The following NID1 variants were observed in gnomAD, a reference collection of about 807,000 sequenced individuals.
NID1 encodes the protein nidogen 1, also known as nidogen-1.
Under a neutral mutation model 130.6 loss-of-function variants are expected in NID1, and 76 were observed. That is an observed-to-expected ratio of 0.58 (90% CI 0.48 to 0.70). NID1 has a LOEUF of 0.70. Ranked by LOEUF, NID1 falls within the 30% of genes least tolerant of loss-of-function variation. NID1 has a pLI of 0.00. For synonymous variants in NID1, 665 were observed against 675.1 expected (o/e 0.98, Z 0.23); for missense variants, 1,517 against 1,664.8 (o/e 0.91, Z 1.54).
At chr1:236,029,022 C>A (rs1423264428) in intron 7 of NID1, among the ~76,000 whole-genome samples, 1 of 151,822 alleles carries the variant, frequency 6.6e-6, no homozygotes, top group Non-Finnish European at 1.5e-5. Context: ...ACTAAAAATA[C>A]AAAAATTAGC....
intron 1 of NID1, among the ~76,000 whole-genome samples, chr1:236,052,728 C>T (rs148585603): frequency 1.3e-3 from 194 of 152,262 alleles, no homozygotes; most frequent in African/African-American, 4.5e-3. Context: ...ATGCCAAAGT[C>T]GGGTGAACTG....
intron 2 of NID1, among the ~76,000 whole-genome samples, chr1:236,047,216 A>G (rs905561149): frequency 1.3e-5 from 2 of 152,114 alleles, no homozygotes; most frequent in Non-Finnish European, 2.9e-5. Context: ...CAAGAGGGAG[A>G]TATAGTTTTA....
At chr1:236,027,120 A>T (rs1431975145) in intron 7 of NID1, among the ~76,000 whole-genome samples, 1 of 152,196 alleles carries the variant, frequency 6.6e-6, no homozygotes, top group Non-Finnish European at 1.5e-5. Flanking sequence ...AATGAGTTTC[A>T]GTAGCCAGGT....
chr1:236,064,609 CG>C, intron 1 of NID1: 1 of 511,284 alleles, frequency 2.0e-6, no homozygotes, highest in Non-Finnish European at 3.6e-6. Context: ...CCATGGGTGC[CG>C]GGGTCACGGC....
chr1:235,993,533 TG>T (rs986550457), intron 13 of NID1, 111 bp downstream of exon 13: 19 of 1,015,508 alleles, frequency 1.9e-5, no homozygotes, highest in Non-Finnish European at 2.7e-5. Flanking sequence ...CTGGAGCCAG[TG>T]GAACAGTTCA....
chr1:236,061,457 T>C (rs1660033353), intron 1 of NID1, among the ~76,000 whole-genome samples: 1 of 152,180 alleles, frequency 6.6e-6, no homozygotes, highest in Admixed American at 6.5e-5. Flanking sequence ...TGAAGGATTC[T>C]TCTCTTTTTT....
At chr1:236,043,696 G>A (rs909793046) in intron 3 of NID1, among the ~76,000 whole-genome samples, 1 of 152,114 alleles carries the variant, frequency 6.6e-6, no homozygotes, top group Non-Finnish European at 1.5e-5. Context: ...TGCTCGGGAC[G>A]CTGAAGCAGG....
Position 235,977,466 on chromosome 1 carries a change from C to T in NID1, c.*401G>A, listed in dbSNP as rs79813484. ...CTCATAGGTCAAGGAGCTGACAGGA[C>T]GGTGGGTACCTCAAAGCGAGGCTGA... On this transcript the variant is annotated 3_prime_UTR_variant, in exon 20 of 20. Coordinates refer to ENST00000264187, the MANE Select transcript of NID1 (RefSeq NM_002508.3). The T allele has an allele frequency of 4.3e-4, 71 of 167,012 alleles. No homozygotes were observed. In the East Asian group the frequency reaches 6.0e-3, roughly 14 times the overall value. The allele number at this position is 167,012 out of a possible 1,614,324, so 10.3% of individuals were successfully genotyped here. A position where few individuals can be genotyped will look rare whatever the true frequency, so the allele number is the denominator to read the frequency against.
At chr1:236,024,796 C>T (rs762693181) in intron 8 of NID1, among the ~76,000 whole-genome samples, 1 of 152,170 alleles carries the variant, frequency 6.6e-6, no homozygotes, top group Non-Finnish European at 1.5e-5. Context: ...ACTGGTATGT[C>T]ACAAAAGCTC....
intron 11 of NID1, among the ~76,000 whole-genome samples, chr1:236,012,376 G>A (rs1184917869): frequency 6.6e-6 from 1 of 152,046 alleles, no homozygotes; most frequent in Non-Finnish European, 1.5e-5. Flanking sequence ...GGCCAACACG[G>A]TGAAACCCTG....
intron 1 of NID1, among the ~76,000 whole-genome samples, chr1:236,063,955 A>G (rs1285675535): frequency 6.6e-6 from 1 of 152,182 alleles, no homozygotes; most frequent in Non-Finnish European, 1.5e-5. Context: ...AGTGTTGTCT[A>G]AGGCGCAGTG....
chr1:236,039,765 G>A (rs1349870013), intron 4 of NID1, among the ~76,000 whole-genome samples: 1 of 152,166 alleles, frequency 6.6e-6, no homozygotes, highest in Non-Finnish European at 1.5e-5. Context: ...ACTCGGAAGG[G>A]AATTTCTGGC....
At chr1:236,060,545 T>G (rs1222035573) in intron 1 of NID1, 1 of 152,174 alleles carries the variant, frequency 6.6e-6, no homozygotes, top group Non-Finnish European at 1.5e-5. Flanking sequence ...GCCTCTGACA[T>G]AAGGGTAATA....
At chr1:236,044,544 G>A (rs370918833) in intron 3 of NID1, among the ~76,000 whole-genome samples, 3 of 152,138 alleles carry the variant, frequency 2.0e-5, no homozygotes, top group African/African-American at 4.8e-5. Flanking sequence ...ACAGGCAAAC[G>A]CTATAAATCA....
chr1:236,007,423 T>C (rs914554425), intron 12 of NID1, among the ~76,000 whole-genome samples: 1 of 152,156 alleles, frequency 6.6e-6, no homozygotes, highest in Admixed American at 6.5e-5. Context: ...AAGATGGCCC[T>C]CATTCTCCCC....
chr1:236,025,779 AT>A, intron 8 of NID1, 116 bp downstream of exon 8: 1 of 1,346,154 alleles, frequency 7.4e-7, no homozygotes. Flanking sequence ...CTGCCAGAAG[AT>A]ACTTTAGCAT....
At chr1:236,011,520 C>T (rs998681001) in intron 12 of NID1, among the ~76,000 whole-genome samples, 1 of 152,150 alleles carries the variant, frequency 6.6e-6, no homozygotes, top group Non-Finnish European at 1.5e-5. Context: ...CCAGGCTGAT[C>T]TCGAACTCCT....
At chr1:235,982,859 C>T (rs1176711748) in intron 15 of NID1, among the ~76,000 whole-genome samples, 1 of 151,970 alleles carries the variant, frequency 6.6e-6, no homozygotes, top group South Asian at 2.1e-4. Context: ...GCAACCATTC[C>T]AATACTGTGG....
At chr1:236,009,038 G>T (rs1289949045) in intron 12 of NID1, among the ~76,000 whole-genome samples, 3 of 152,190 alleles carry the variant, frequency 2.0e-5, no homozygotes, top group African/African-American at 7.2e-5. Context: ...TTCCGACTGA[G>T]AAATAAAACA....
Sources: allele counts gnomAD v4.1 joint callset (sites outside exome capture counted in the v4.1 genomes callset), GRCh38; gene constraint gnomAD v4.1.1; transcripts MANE v1.5; gene names NCBI Gene and HGNC (gene_info 2026-07-23, HGNC 2026-07-21).